C2CD5: variants seen among roughly 807,000 people sequenced by gnomAD.
C2CD5 encodes the protein C2 calcium dependent domain containing 5.
In C2CD5, 109 loss-of-function variants were observed where a neutral mutation model predicts 130.3. That is an observed-to-expected ratio of 0.84 (90% CI 0.72 to 0.98). The LOEUF is 0.98. C2CD5 is among the 50% of genes least tolerant of loss of function. The pLI is 0.00. For synonymous variants in C2CD5, 454 were observed against 429.2 expected, an observed-to-expected ratio of 1.06 and a Z score of -0.71; for missense variants, 996 against 1,261.8, an observed-to-expected ratio of 0.79 and a Z score of 3.19.
At chr12:22,539,152 CTT>C (rs1952101746) in intron 2 of C2CD5, among the ~76,000 whole-genome samples, 2 of 152,130 alleles carry the variant, frequency 1.3e-5, no homozygotes, top group African/African-American at 4.8e-5. Context: ...TTCCCATGTA[CTT>C]TCTCTTTAAA....
At chr12:22,467,287 G>T (rs76426990) in intron 22 of C2CD5, among the ~76,000 whole-genome samples, 1 of 151,780 alleles carries the variant, frequency 6.6e-6, no homozygotes, top group East Asian at 1.9e-4. Context: ...TCTACCACCC[G>T]GCTTCCTGAG....
chr12:22,524,197 C>T (rs1239003988), intron 6 of C2CD5, among the ~76,000 whole-genome samples: 4 of 152,108 alleles, frequency 2.6e-5, no homozygotes, highest in African/African-American at 9.7e-5. Flanking sequence ...CAGGTTCCCA[C>T]TCAGGGTTCC....
rs547569146 is a variant in C2CD5, at chr12:22,523,431, C to T, written c.795G>A (p.Met265Ile). The T allele has an allele frequency of 9.4e-5, 152 of 1,611,936 alleles. 6 individuals are homozygous for T. In the South Asian group the frequency reaches 1.5e-3, roughly 16 times the overall value. ...LPACNSPSKE[M>I]KEIPFNEDPN... The stretch of plus-strand genomic sequence containing the variant: ...TTTCATTGATTCATACTTACTCCTT[C>T]ATTTCTTTGGATGGGGAATTACATG... The change falls in exon 7 of 27, where the codon ATG (methionine) becomes ATA (isoleucine). Residue 265 changes from methionine (M) to isoleucine (I), a missense_variant. Physicochemically the swap from Met to Ile is conservative, Grantham distance 10. Around this residue, in one of 9 missense-constraint regions of C2CD5, gnomAD observed 156 missense variants for 165.9 expected, o/e 0.94. Transcript: ENST00000446597.
In C2CD5 at chr12:22,493,222, C is replaced by A; in HGVS notation, c.1262+1G>T. ...AAAATCAAGTTGTTATTATCATTTA[C>A]CAGATGCTAGTTGATTCACTGTAGC... is the stretch of plus-strand genomic sequence containing the variant. On this transcript the variant is annotated splice_donor_variant, in intron 11 of 26. Transcript: ENST00000446597. LOFTEE classifies it high-confidence loss of function. The A allele has an allele frequency of 6.6e-7, 1 of 1,509,686 alleles. No individual in the cohort carries two copies. Among genetic ancestry groups the A allele is most frequent in the South Asian group, 1.2e-5 (1 of 84,524 alleles). The allele number at this position is 1,509,686 out of a possible 1,614,324, so 93.5% of individuals were successfully genotyped here.
At chr12:22,455,083 G>C (rs1421087538) in intron 25 of C2CD5, among the ~76,000 whole-genome samples, 1 of 152,162 alleles carries the variant, frequency 6.6e-6, no homozygotes, top group Non-Finnish European at 1.5e-5. Context: ...AATGACTGCA[G>C]TATTAGAAAA....
intron 26 of C2CD5, among the ~76,000 whole-genome samples, chr12:22,450,410 A>C (rs1938328910): frequency 1.3e-5 from 2 of 152,166 alleles, no homozygotes; most frequent in African/African-American, 4.8e-5. Flanking sequence ...AAAATCCTAG[A>C]AACAAACTAA....
At chr12:22,483,948 G>A (rs114311413) in intron 13 of C2CD5, among the ~76,000 whole-genome samples, 137 of 152,212 alleles carry the variant, frequency 9.0e-4, no homozygotes, top group African/African-American at 3.1e-3. Context: ...AGAAAGTTCC[G>A]GACTAGAGTT....
chr12:22,543,314 A>G (rs1210931015), intron 2 of C2CD5, among the ~76,000 whole-genome samples: 1 of 152,246 alleles, frequency 6.6e-6, no homozygotes, highest in Non-Finnish European at 1.5e-5. Flanking sequence ...CTTTTAAACT[A>G]ATCATTAGAC....
intron 3 of C2CD5, among the ~76,000 whole-genome samples, chr12:22,532,682 T>C (rs1951413731): frequency 6.6e-6 from 1 of 152,228 alleles, no homozygotes; most frequent in Non-Finnish European, 1.5e-5. Context: ...GTGTCATTTC[T>C]TCCATCTTCA....
chr12:22,530,535 G>A (rs1290240604), intron 3 of C2CD5, among the ~76,000 whole-genome samples: 1 of 151,110 alleles, frequency 6.6e-6, no homozygotes, highest in African/African-American at 2.4e-5. Context: ...TCGACTCACT[G>A]CAACCTCTGC....
intron 16 of C2CD5, among the ~76,000 whole-genome samples, chr12:22,474,188 G>A (rs904000417): frequency 1.4e-4 from 22 of 151,950 alleles, no homozygotes; most frequent in African/African-American, 5.3e-4. Flanking sequence ...ATCTCTTTGG[G>A]AGCTAACCAT....
intron 13 of C2CD5, 55 bp downstream of exon 13, chr12:22,484,642 G>A (rs111534896): frequency 1.9e-5 from 18 of 959,752 alleles, no homozygotes; most frequent in African/African-American, 6.8e-5. Context: ...ATAGGTTTAC[G>A]GCTCCCTATC....
chr12:22,504,447 G>A (rs1189935004), intron 10 of C2CD5, among the ~76,000 whole-genome samples: 1 of 151,664 alleles, frequency 6.6e-6, no homozygotes, highest in Non-Finnish European at 1.5e-5. Flanking sequence ...GACTACAGGC[G>A]CCTGCCACCA....
At chr12:22,485,551 T>C (rs1400466554) in intron 12 of C2CD5, among the ~76,000 whole-genome samples, 1 of 151,966 alleles carries the variant, frequency 6.6e-6, no homozygotes, top group Non-Finnish European at 1.5e-5. Context: ...AAATAGTAAG[T>C]CAAAAACAGG....
At chr12:22,490,364 T>G (rs1946181979) in intron 11 of C2CD5, 146 bp from the exon 12 acceptor site, 1 of 466,054 alleles carries the variant, frequency 2.1e-6, no homozygotes, top group Non-Finnish European at 3.8e-6. Flanking sequence ...GAGGTTTACC[T>G]CCTAAACCTA....
chr12:22,490,111 T>G lies in C2CD5; in HGVS notation c.1358+12A>C, dbSNP rs779996068. The G allele has an allele frequency of 6.2e-7, 1 of 1,601,726 alleles. No homozygotes were observed. Among genetic ancestry groups the G allele is most frequent in the Admixed American group, 1.7e-5 (1 of 59,882 alleles). On this transcript the variant is annotated intron_variant, in intron 12 of 26. Coordinates refer to ENST00000446597, the MANE Select transcript of C2CD5 (RefSeq NM_001286176.2). The stretch of plus-strand genomic sequence containing the variant: ...TGCCCTTATAGAAAATAAGCCAGGC[T>G]GCCATGACAACCTCTGTTCCAAACA...
At chr12:22,459,649 C>A (rs1591937032) in intron 22 of C2CD5, 107 bp from the exon 23 acceptor site, 2 of 590,550 alleles carry the variant, frequency 3.4e-6, no homozygotes, top group Middle Eastern at 2.7e-4. Flanking sequence ...AGGAGGAAAT[C>A]TTTATGGCTT....
chr12:22,526,980 G>GT (rs1403749127), intron 4 of C2CD5, among the ~76,000 whole-genome samples: 4 of 152,120 alleles, frequency 2.6e-5, no homozygotes, highest in Non-Finnish European at 5.9e-5. Flanking sequence ...TGGCAAAACC[G>GT]TGTCTCTACA....
Position 22,457,074 on chromosome 12 carries a change from A to AC in C2CD5, c.2773dup (p.Val925GlyfsTer3). ...AAAAGAAAGAGGTGTCATCTTAACA[A>AC]CCCCAACTGTGGAATTTGCACAAGG... On this transcript the variant is annotated frameshift_variant, in exon 25 of 27. Transcript: ENST00000446597. LOFTEE classifies it high-confidence loss of function. 1.9e-6 allele frequency: 3 copies of AC among 1,612,624 alleles called. No homozygotes were observed. Among genetic ancestry groups the AC allele is most frequent in the Non-Finnish European group, 1.7e-6 (2 of 1,179,030 alleles).
Sources: gnomAD v4.1 joint callset for allele counts (sites outside exome capture counted in the v4.1 genomes callset) on GRCh38, gnomAD v4.1.1 for gene constraint, gnomAD v4.1.1 regional missense constraint, MANE v1.5 for transcripts, NCBI Gene and HGNC (gene_info 2026-07-23, HGNC 2026-07-21) for gene names.